GRIP1: variants seen among roughly 807,000 people sequenced by gnomAD.
The protein encoded by GRIP1 is glutamate receptor interacting protein 1.
GRIP1 carries 45 observed loss-of-function variants against 129.9 expected under a neutral mutation model. The ratio of observed to expected loss-of-function variants is 0.35; its 90% CI spans 0.27 to 0.44. GRIP1 has a LOEUF of 0.44. GRIP1 is among the 20% of genes least tolerant of loss of function. GRIP1 has a pLI of 1.00. For synonymous variants in GRIP1, 530 were observed against 520.8 expected, an observed-to-expected ratio of 1.02 and a Z score of -0.24; for missense variants, 1,196 against 1,396.8, an observed-to-expected ratio of 0.86 and a Z score of 2.29.
At chr12:66,432,682 C>T (rs2058184796) in intron 13 of GRIP1, 54 bp from the exon 14 acceptor site, 1 of 984,780 alleles carries the variant, frequency 1.0e-6, no homozygotes, top group Non-Finnish European at 1.6e-6. Flanking sequence ...ACTGGAGCAC[C>T]CATCAATAAA....
At chr12:66,934,111 G>A (rs2041445295) in intron 1 of GRIP1, among the ~76,000 whole-genome samples, 1 of 152,170 alleles carries the variant, frequency 6.6e-6, no homozygotes, top group Middle Eastern at 3.4e-3. Context: ...GACCTCCAAG[G>A]TCTACTAACA....
chr12:67,015,017 C>A (rs977549627), intron 1 of GRIP1, among the ~76,000 whole-genome samples: 5 of 152,158 alleles, frequency 3.3e-5, no homozygotes, highest in African/African-American at 1.2e-4. Context: ...TAAATATTCA[C>A]TTCTCCTAGT....
intron 1 of GRIP1, among the ~76,000 whole-genome samples, chr12:67,026,432 T>C (rs1203053440): frequency 6.6e-6 from 1 of 152,158 alleles, no homozygotes; most frequent in African/African-American, 2.4e-5. Flanking sequence ...CCTACAAAGG[T>C]TTCCTAAATG....
At chr12:66,663,206 A>G (rs1365671501) in intron 1 of GRIP1, among the ~76,000 whole-genome samples, 2 of 152,230 alleles carry the variant, frequency 1.3e-5, no homozygotes, top group Admixed American at 1.3e-4. Flanking sequence ...TGTCATAAAG[A>G]GCTTAGCATA....
chr12:67,027,178 C>T (rs1326924099), intron 1 of GRIP1, among the ~76,000 whole-genome samples: 1 of 152,322 alleles, frequency 6.6e-6, no homozygotes, highest in African/African-American at 2.4e-5. Context: ...CATCCAACAG[C>T]TTGCAGGGAC....
At chr12:66,776,008 G>C (rs2037968289) in intron 1 of GRIP1, among the ~76,000 whole-genome samples, 1 of 152,172 alleles carries the variant, frequency 6.6e-6, no homozygotes, top group African/African-American at 2.4e-5. Context: ...TGGGAACACA[G>C]GCTAGGAAAG....
At chr12:66,612,178 T>G (rs1003282265) in intron 1 of GRIP1, among the ~76,000 whole-genome samples, 13 of 152,200 alleles carry the variant, frequency 8.5e-5, no homozygotes, top group Non-Finnish European at 8.8e-5. Flanking sequence ...AGATACTTTC[T>G]GAGAAGTGTA....
At chr12:66,517,275 G>A (rs902924675) in intron 6 of GRIP1, among the ~76,000 whole-genome samples, 25 of 151,984 alleles carry the variant, frequency 1.6e-4, no homozygotes, top group African/African-American at 1.4e-4. Flanking sequence ...GAGTTTACTC[G>A]GGGCCCTAAT....
At chr12:66,416,663 A>G (rs2057615735) in intron 15 of GRIP1, among the ~76,000 whole-genome samples, 2 of 152,194 alleles carry the variant, frequency 1.3e-5, no homozygotes, top group Admixed American at 6.5e-5. Flanking sequence ...GCTAGAGGAA[A>G]TGGGTAAATT....
intron 17 of GRIP1, 42 bp downstream of exon 17, chr12:66,394,166 G>T: frequency 6.3e-7 from 1 of 1,583,090 alleles, no homozygotes; most frequent in Non-Finnish European, 8.7e-7. Flanking sequence ...AAGGAAGCCC[G>T]TCTCAGACAC....
intron 23 of GRIP1, among the ~76,000 whole-genome samples, chr12:66,360,424 C>A (rs1228504469): frequency 6.6e-6 from 1 of 152,112 alleles, no homozygotes; most frequent in Non-Finnish European, 1.5e-5. Flanking sequence ...CTTGTAGGGT[C>A]TGTCTTTTGT....
At chr12:66,930,354 A>G (rs1483182764) in intron 1 of GRIP1, among the ~76,000 whole-genome samples, 2 of 145,220 alleles carry the variant, frequency 1.4e-5, no homozygotes, top group Non-Finnish European at 3.0e-5. Flanking sequence ...AGAACATGCG[A>G]TGTTTGGTTT....
intron 1 of GRIP1, among the ~76,000 whole-genome samples, chr12:67,017,527 A>T (rs2042805895): frequency 6.6e-6 from 1 of 151,982 alleles, no homozygotes; most frequent in Non-Finnish European, 1.5e-5. Context: ...GATAATCTAC[A>T]AAGGTGGCTG....
At chr12:66,863,199 TG>T (rs2040142699) in intron 1 of GRIP1, among the ~76,000 whole-genome samples, 1 of 152,110 alleles carries the variant, frequency 6.6e-6, no homozygotes, top group Non-Finnish European at 1.5e-5. Context: ...TGAGCCCCAT[TG>T]GAATTCATTG....
intron 1 of GRIP1, among the ~76,000 whole-genome samples, chr12:66,840,333 AT>A (rs1447722621): frequency 1.3e-5 from 2 of 152,192 alleles, no homozygotes; most frequent in Non-Finnish European, 2.9e-5. Flanking sequence ...ATAATGAGCT[AT>A]CAGTTTGGGG....
At chr12:66,762,499 A>G (rs116187449) in intron 1 of GRIP1, among the ~76,000 whole-genome samples, 1 of 152,086 alleles carries the variant, frequency 6.6e-6, no homozygotes, top group Admixed American at 6.6e-5. Context: ...CTTATTGTTA[A>G]TTTCAATAAT....
intron 1 of GRIP1, among the ~76,000 whole-genome samples, chr12:66,614,078 T>C (rs2064930933): frequency 6.6e-6 from 1 of 152,170 alleles, no homozygotes; most frequent in African/African-American, 2.4e-5. Context: ...TCAACCTCTG[T>C]TGGTGCCTCC....
At chr12:67,021,796 T>C (rs1375117488) in intron 1 of GRIP1, among the ~76,000 whole-genome samples, 1 of 152,286 alleles carries the variant, frequency 6.6e-6, no homozygotes, top group Non-Finnish European at 1.5e-5. Flanking sequence ...AATCTCTCCC[T>C]ATCCCCCCAT....
chr12:66,680,625 C>G (rs1230960703), upstream of GRIP1, among the ~76,000 whole-genome samples: 1 of 146,428 alleles, frequency 6.8e-6, no homozygotes, highest in African/African-American at 2.5e-5. Context: ...ATAGTTTAGC[C>G]TCCTTGATAT....
Sources: allele counts gnomAD v4.1 joint callset (sites outside exome capture counted in the v4.1 genomes callset), GRCh38; gene constraint gnomAD v4.1.1; transcripts MANE v1.5; gene names NCBI Gene and HGNC (gene_info 2026-07-23, HGNC 2026-07-21).